UNC5C: variants seen among roughly 807,000 people sequenced by gnomAD.
UNC5C encodes the protein netrin receptor UNC5C.
UNC5C carries 47 observed loss-of-function variants against 99.8 expected under a neutral mutation model. That is an observed-to-expected ratio of 0.47 (90% CI 0.37 to 0.60). The LOEUF (loss-of-function observed/expected upper bound fraction) is 0.60. UNC5C is among the 20% of genes least tolerant of loss of function. The probability of loss-of-function intolerance (pLI) is 0.00; values close to 1 mark genes in which losing one functional copy is unlikely to be tolerated. For missense variants in UNC5C, 1,062 were observed against 1,165.9 expected, an observed-to-expected ratio of 0.91 and a Z score of 1.30; for synonymous variants, 487 against 452.2, an observed-to-expected ratio of 1.08 and a Z score of -0.98.
At chr4:95,175,640 T>A (rs953505710) in intron 14 of UNC5C, among the ~76,000 whole-genome samples, 5 of 152,264 alleles carry the variant, frequency 3.3e-5, no homozygotes, top group Middle Eastern at 3.4e-3. Context: ...CTTCCCTTTG[T>A]GGGTAACCCG....
At chr4:95,433,641 A>G (rs1414097273) in intron 1 of UNC5C, among the ~76,000 whole-genome samples, 2 of 152,116 alleles carry the variant, frequency 1.3e-5, no homozygotes, top group Admixed American at 6.6e-5. Flanking sequence ...ATATTTAAAC[A>G]TGTATATCAT....
At chr4:95,240,533 C>T (rs938949519) in intron 7 of UNC5C, among the ~76,000 whole-genome samples, 1 of 152,134 alleles carries the variant, frequency 6.6e-6, no homozygotes, top group South Asian at 2.1e-4. Context: ...CAAATCAGAG[C>T]TGCAGAAATA....
intron 1 of UNC5C, among the ~76,000 whole-genome samples, chr4:95,337,429 A>G (rs2149422033): frequency 6.6e-6 from 1 of 152,066 alleles, no homozygotes; most frequent in East Asian, 1.9e-4. Context: ...AAATGTTCAC[A>G]TGCTATAGAA....
At chr4:95,301,243 T>A (rs1741862381) in intron 3 of UNC5C, among the ~76,000 whole-genome samples, 1 of 141,628 alleles carries the variant, frequency 7.1e-6, no homozygotes, top group Admixed American at 7.6e-5. Context: ...TAGCCCAGGC[T>A]GGAGTGCAGT....
Position 95,548,896 on chromosome 4 carries a change from G to A in UNC5C, c.-39C>T. 1.2e-6 allele frequency: 2 copies of A among 1,609,502 alleles called. No homozygotes were observed. The highest frequency in any genetic ancestry group is 1.7e-6 in the Non-Finnish European group (2 of 1,178,266). On this transcript the variant is annotated 5_prime_UTR_variant, in exon 1 of 16. Coordinates refer to ENST00000453304, the MANE Select transcript of UNC5C (RefSeq NM_003728.4). ...GTGCCGGGGGGAGGGGAGGGGGACA[G>A]AGAGACGCGCAAACAGCTGAAAGCC...
At chr4:95,269,476 T>C (rs1740576213) in intron 4 of UNC5C, among the ~76,000 whole-genome samples, 1 of 152,016 alleles carries the variant, frequency 6.6e-6, no homozygotes, top group African/African-American at 2.4e-5. Context: ...TTTGTAGAGT[T>C]GGGGTTCTCT....
chr4:95,183,776 T>C (rs1736713258), intron 13 of UNC5C, among the ~76,000 whole-genome samples: 1 of 152,166 alleles, frequency 6.6e-6, no homozygotes, highest in Non-Finnish European at 1.5e-5. Context: ...CCAAATCCAG[T>C]ACAAATAAGA....
intron 1 of UNC5C, among the ~76,000 whole-genome samples, chr4:95,533,485 A>G (rs1295068257): frequency 6.6e-6 from 1 of 152,016 alleles, no homozygotes; most frequent in Non-Finnish European, 1.5e-5. Context: ...ATTTAATGTG[A>G]TATCATTAAA....
chr4:95,418,342 C>T (rs935533971), intron 1 of UNC5C, among the ~76,000 whole-genome samples: 15 of 152,262 alleles, frequency 9.9e-5, no homozygotes, highest in East Asian at 1.9e-4. Flanking sequence ...ATTAGAAACG[C>T]GATGACAAGA....
At chr4:95,318,107 T>C (rs1428395657) in intron 2 of UNC5C, among the ~76,000 whole-genome samples, 2 of 152,266 alleles carry the variant, frequency 1.3e-5, no homozygotes, top group East Asian at 1.9e-4. Flanking sequence ...CAAGTGCAGA[T>C]AAAAATATGT....
chr4:95,335,522 G>C lies in UNC5C; in HGVS notation c.234C>G (p.Pro78=), dbSNP rs1843018. Residue 78 remains proline (P), a synonymous_variant, in exon 2 of 16, where the codon CCC becomes CCG. Coordinates refer to ENST00000453304, the MANE Select transcript of UNC5C (RefSeq NM_003728.4). ...PEEAYIVKNK[P]VNLYCKASPA... Reference sequence around the variant, plus strand: ...GGCTTGCTTTACAGTACAGGTTCACGGGCTTATTCTTCACAATATAAGCTT... The same window carrying C: ...GGCTTGCTTTACAGTACAGGTTCACCGGCTTATTCTTCACAATATAAGCTT... The C allele has an allele frequency of 2.5e-6, 4 of 1,612,100 alleles. No individual in the cohort carries two copies. Among genetic ancestry groups the C allele is most frequent in the Non-Finnish European group, 3.4e-6 (4 of 1,178,896 alleles).
At chr4:95,236,555 A>C (rs1359647522) in intron 7 of UNC5C, among the ~76,000 whole-genome samples, 1 of 152,024 alleles carries the variant, frequency 6.6e-6, no homozygotes, top group Non-Finnish European at 1.5e-5. Flanking sequence ...CATGTTGTGA[A>C]CATGTGCCCT....
chr4:95,478,832 G>A (rs1430042800), intron 1 of UNC5C, among the ~76,000 whole-genome samples: 1 of 151,844 alleles, frequency 6.6e-6, no homozygotes. Context: ...ATGGGTCATG[G>A]GAGTGGATCT....
At chr4:95,487,185 T>C (rs1721350047) in intron 1 of UNC5C, among the ~76,000 whole-genome samples, 1 of 151,810 alleles carries the variant, frequency 6.6e-6, no homozygotes, top group Non-Finnish European at 1.5e-5. Flanking sequence ...CATCTTTCCC[T>C]CTAGTCTCCT....
chr4:95,188,826 A>C (rs537933351), intron 12 of UNC5C, among the ~76,000 whole-genome samples: 9 of 152,204 alleles, frequency 5.9e-5, no homozygotes, highest in Non-Finnish European at 1.2e-4. Flanking sequence ...GGTCTGGAGC[A>C]CACAGACAAG....
chr4:95,282,795 C>T (rs1218967885), intron 3 of UNC5C, among the ~76,000 whole-genome samples: 1 of 152,068 alleles, frequency 6.6e-6, no homozygotes, highest in African/African-American at 2.4e-5. Context: ...TATGATCACA[C>T]AAGGTAGGTT....
At chr4:95,353,747 T>C (rs1744069906) in intron 1 of UNC5C, among the ~76,000 whole-genome samples, 1 of 152,084 alleles carries the variant, frequency 6.6e-6, no homozygotes, top group African/African-American at 2.4e-5. Context: ...TGTTTATCAT[T>C]AAAATTATTG....
chr4:95,410,611 T>C (rs1041743374), intron 1 of UNC5C, among the ~76,000 whole-genome samples: 1 of 152,144 alleles, frequency 6.6e-6, no homozygotes, highest in Admixed American at 6.5e-5. Context: ...AAGAGCCACT[T>C]TGTTAGTACT....
intron 1 of UNC5C, among the ~76,000 whole-genome samples, chr4:95,394,533 G>T (rs1387606933): frequency 6.6e-6 from 1 of 152,078 alleles, no homozygotes; most frequent in Non-Finnish European, 1.5e-5. Flanking sequence ...GATATGAATT[G>T]GGTGAGAAAT....
Sources: allele counts gnomAD v4.1 joint callset (sites outside exome capture counted in the v4.1 genomes callset), GRCh38; gene constraint gnomAD v4.1.1; transcripts MANE v1.5; gene names NCBI Gene and HGNC (gene_info 2026-07-23, HGNC 2026-07-21).